The following CENPP variants were observed in gnomAD, a reference collection of about 807,000 sequenced individuals.
CENPP encodes the protein centromere protein P.
Under a neutral mutation model 35.6 loss-of-function variants are expected in CENPP, and 24 were observed. The ratio of observed to expected loss-of-function variants is 0.67; its 90% confidence interval spans 0.49 to 0.95. The LOEUF is 0.95. Among genes scored for constraint, CENPP ranks in the 40% least tolerant of loss-of-function variants. The pLI, the probability that CENPP is intolerant of heterozygous loss-of-function variation, is 0.00. For missense variants in CENPP, 332 were observed against 345.3 expected (o/e 0.96, Z 0.31); for synonymous variants, 120 against 125.5 (o/e 0.96, Z 0.29).
At chr9:92,412,423 A>G (rs547476225) in intron 5 of CENPP, among the ~76,000 whole-genome samples, 4 of 152,244 alleles carry the variant, frequency 2.6e-5, no homozygotes, top group African/African-American at 9.6e-5. Flanking sequence ...GTGTTTTTGC[A>G]TTTGTACAAC....
chr9:92,412,838 A>G (rs577671015), intron 5 of CENPP, among the ~76,000 whole-genome samples: 7 of 152,234 alleles, frequency 4.6e-5, no homozygotes, highest in African/African-American at 1.7e-4. Flanking sequence ...TTATCCATTG[A>G]TGGACATGTG....
chr9:92,403,570 A>G (rs896818051), intron 5 of CENPP: 2 of 1,293,940 alleles, frequency 1.5e-6, no homozygotes, highest in East Asian at 2.8e-5. Context: ...GCCAGAGAAC[A>G]GTATTTAACC....
intron 1 of CENPP, among the ~76,000 whole-genome samples, chr9:92,330,104 A>G (rs1271700261): frequency 6.6e-6 from 1 of 152,226 alleles, no homozygotes; most frequent in Admixed American, 6.5e-5. Flanking sequence ...TAGTAGAATT[A>G]GAAATACAAA....
chr9:92,544,809 G>A lies in CENPP; in HGVS notation c.565-66505G>A, dbSNP rs545696893. Among the ~76,000 whole-genome samples the A allele has an allele frequency of 1.4e-3, 213 of 150,218 alleles. 1 individual carries two copies. The highest frequency in any genetic ancestry group is 2.5e-3 in the Admixed American group (37 of 14,836). On this transcript the variant is annotated intron_variant, in intron 5 of 7. Transcript: ENST00000375587. ...CAGCTCACTGCAACCTCCGCCTCTC[G>A]GGTTCAAGCAATTCTCCTGCCTCAG...
chr9:92,346,153 T>C (rs1216924585), intron 4 of CENPP, among the ~76,000 whole-genome samples: 1 of 152,204 alleles, frequency 6.6e-6, no homozygotes, highest in African/African-American at 2.4e-5. Context: ...CATAATGCTG[T>C]TGAAGTATAT....
At chr9:92,433,855 C>A (rs1844181028) in intron 5 of CENPP, among the ~76,000 whole-genome samples, 1 of 151,976 alleles carries the variant, frequency 6.6e-6, no homozygotes, top group Admixed American at 6.6e-5. Context: ...TCGCTTGAAC[C>A]CGGGAGGCAG....
At chr9:92,459,011 C>T (rs568579139) in intron 5 of CENPP, among the ~76,000 whole-genome samples, 52 of 152,244 alleles carry the variant, frequency 3.4e-4, no homozygotes, top group African/African-American at 1.2e-3. Context: ...AGATCTAAAT[C>T]TTTATTAGAT....
intron 5 of CENPP, among the ~76,000 whole-genome samples, chr9:92,562,743 T>C (rs907239394): frequency 3.3e-5 from 5 of 152,158 alleles, no homozygotes; most frequent in Non-Finnish European, 7.3e-5. Context: ...GGGATTCTTT[T>C]CCACTGATAT....
chr9:92,409,646 G>A (rs936261223), intron 5 of CENPP, among the ~76,000 whole-genome samples: 1 of 152,130 alleles, frequency 6.6e-6, no homozygotes, highest in Non-Finnish European at 1.5e-5. Context: ...TGTTCGTTAT[G>A]CATTTATATT....
intron 5 of CENPP, among the ~76,000 whole-genome samples, chr9:92,429,498 A>G (rs1437009878): frequency 6.6e-6 from 1 of 152,142 alleles, no homozygotes; most frequent in East Asian, 1.9e-4. Context: ...TAATCTTGTC[A>G]TTTTCAGGCC....
At chr9:92,412,274 A>T (rs1843466501) in intron 5 of CENPP, among the ~76,000 whole-genome samples, 1 of 151,996 alleles carries the variant, frequency 6.6e-6, no homozygotes, top group African/African-American at 2.4e-5. Flanking sequence ...TTTTGTAGAG[A>T]CAGGGTTTCA....
At chr9:92,535,864 A>G in intron 5 of CENPP, 1 of 400,926 alleles carries the variant, frequency 2.5e-6, no homozygotes, top group Non-Finnish European at 4.7e-6. Flanking sequence ...ACAGTTGTGA[A>G]ATAAAATACC....
chr9:92,558,431 T>G (rs1849773978), intron 5 of CENPP, among the ~76,000 whole-genome samples: 2 of 152,124 alleles, frequency 1.3e-5, no homozygotes, highest in Admixed American at 1.3e-4. Flanking sequence ...AGCCACCCAG[T>G]GAGTCTGCCC....
chr9:92,532,694 T>G (rs75603563), intron 5 of CENPP, among the ~76,000 whole-genome samples: 6,061 of 152,308 alleles, frequency 0.04, 185 homozygotes, highest in South Asian at 0.098. Flanking sequence ...GTTCTTTTTG[T>G]TTCCAATTCT....
At chr9:92,385,844 T>C in intron 5 of CENPP, 1 of 1,565,958 alleles carries the variant, frequency 6.4e-7, no homozygotes, top group Non-Finnish European at 8.8e-7. Context: ...ACCTTTCATA[T>C]GCTATATAAT....
chr9:92,339,077 G>C (rs1344650494), intron 3 of CENPP, among the ~76,000 whole-genome samples: 1 of 152,168 alleles, frequency 6.6e-6, no homozygotes, highest in Non-Finnish European at 1.5e-5. Context: ...TTGCCAGTTG[G>C]GCCAACAGGG....
intron 5 of CENPP, among the ~76,000 whole-genome samples, chr9:92,436,638 C>T (rs1404683334): frequency 1.3e-5 from 2 of 152,120 alleles, no homozygotes; most frequent in African/African-American, 2.4e-5. Context: ...GTTTAAAAGA[C>T]TGTCTTTCCT....
At chr9:92,402,001 C>T (rs1843134967) in intron 5 of CENPP, among the ~76,000 whole-genome samples, 1 of 152,086 alleles carries the variant, frequency 6.6e-6, no homozygotes, top group Non-Finnish European at 1.5e-5. Flanking sequence ...ACATCAAGTC[C>T]TGTTGAATTC....
chr9:92,571,809 G>T (rs1306866534), intron 5 of CENPP, among the ~76,000 whole-genome samples: 2 of 151,834 alleles, frequency 1.3e-5, no homozygotes, highest in Non-Finnish European at 2.9e-5. Context: ...TCTTCTTGTT[G>T]AATTGATCCC....
Sources: gnomAD v4.1 joint callset for allele counts (sites outside exome capture counted in the v4.1 genomes callset) on GRCh38, gnomAD v4.1.1 for gene constraint, MANE v1.5 for transcripts, NCBI Gene and HGNC (gene_info 2026-07-23, HGNC 2026-07-21) for gene names.